SRP72: variants seen among roughly 807,000 people sequenced by gnomAD.
SRP72 encodes signal recognition particle subunit SRP72.
Under a neutral mutation model 96.3 loss-of-function variants are expected in SRP72, and 49 were observed. The ratio of observed to expected loss-of-function variants is 0.51; its 90% CI spans 0.40 to 0.65. The LOEUF (loss-of-function observed/expected upper bound fraction) is 0.65, where lower values mean the gene tolerates loss of function less well. Among genes scored for constraint, SRP72 ranks in the 30% least tolerant of loss-of-function variants. SRP72 has a pLI of 0.00. For synonymous variants in SRP72, 267 were observed against 275.2 expected (o/e 0.97, Z 0.30); for missense variants, 736 against 793.3 (o/e 0.93, Z 0.87).
intron 17 of SRP72, among the ~76,000 whole-genome samples, chr4:56,498,957 C>G (rs1721169726): frequency 6.6e-6 from 1 of 152,124 alleles, no homozygotes; most frequent in African/African-American, 2.4e-5. Flanking sequence ...CCCATATAGC[C>G]AAGACAGTCC....
intron 6 of SRP72, chr4:56,477,279 A>G (rs1167928270): frequency 7.0e-6 from 1 of 142,272 alleles, no homozygotes; most frequent in African/African-American, 2.6e-5. Context: ...TTTCACATTC[A>G]TAGTTCTCTC....
chr4:56,473,228 G>A (rs752103922), intron 3 of SRP72, among the ~76,000 whole-genome samples: 21 of 152,230 alleles, frequency 1.4e-4, no homozygotes, highest in Middle Eastern at 3.4e-3. Flanking sequence ...GGGAGGCCAA[G>A]GCGGGCGGAT....
At position 56,503,432 on chromosome 4, in the gene SRP72, G is replaced by A. The variant is rs1721333290; in HGVS notation, c.*1571G>A. On this transcript the variant is annotated 3_prime_UTR_variant, in exon 19 of 19. Transcript: ENST00000642900. ...TCAATTTAGTTGTCATTATTGACAG[G>A]CATTGGTATTATTAGTCATTGCTAA... 6.6e-6 allele frequency: 1 copy of A among 152,166 alleles called. No homozygotes were observed. The highest frequency in any genetic ancestry group is 2.1e-4 in the South Asian group (1 of 4,830). The allele number at this position is 152,166 out of a possible 1,614,324, so 9.4% of individuals were successfully genotyped here.
intron 5 of SRP72, chr4:56,475,747 T>A (rs926905682): frequency 6.6e-6 from 1 of 152,166 alleles, no homozygotes; most frequent in Non-Finnish European, 1.5e-5. Context: ...TACAGACTTT[T>A]CAGTGAGCAG....
intron 10 of SRP72, among the ~76,000 whole-genome samples, chr4:56,485,341 G>T (rs1453877429): frequency 1.4e-5 from 2 of 138,378 alleles, no homozygotes; most frequent in African/African-American, 5.4e-5. Flanking sequence ...CATCCTGACA[G>T]ACAAAATTGC....
In SRP72 at chr4:56,497,812, C is replaced by G. The variant is rs942817163; in HGVS notation, c.1678+2418C>G. Among the ~76,000 whole-genome samples the G allele has an allele frequency of 2.4e-4, 37 of 152,232 alleles. 1 individual carries two copies. Among genetic ancestry groups the G allele is most frequent in the African/African-American group, 8.9e-4 (37 of 41,544 alleles). On this transcript the variant is annotated intron_variant, in intron 17 of 18. Coordinates refer to ENST00000642900, the MANE Select transcript of SRP72 (RefSeq NM_006947.4). ...ACAAAGGCTATACCAGTATACACTTCCCCTAGTATAGTGTTGGTGAGTGCT... is the reference window on the plus strand; with the variant it reads ...ACAAAGGCTATACCAGTATACACTTGCCCTAGTATAGTGTTGGTGAGTGCT...
At chr4:56,471,886 G>A in intron 3 of SRP72, 43 bp downstream of exon 3, 1 of 1,607,328 alleles carries the variant, frequency 6.2e-7, no homozygotes, top group Non-Finnish European at 8.5e-7. Context: ...GATACTGAGT[G>A]AGCATGACTA....
chr4:56,495,215 A>G (rs184286880), intron 16 of SRP72, 142 bp from the exon 17 acceptor site: 64 of 454,290 alleles, frequency 1.4e-4, no homozygotes, highest in Non-Finnish European at 2.2e-4. Flanking sequence ...AATCTTAACT[A>G]ATTTGTTAGC....
chr4:56,500,374 A>T, intron 17 of SRP72, 162 bp from the exon 18 acceptor site: 1 of 750,180 alleles, frequency 1.3e-6, no homozygotes, highest in East Asian at 2.8e-5. Context: ...ATAATTTAAA[A>T]AAAAAGACCA....
chr4:56,494,746 A>G (rs1721020666), intron 16 of SRP72, among the ~76,000 whole-genome samples: 1 of 152,066 alleles, frequency 6.6e-6, no homozygotes, highest in Non-Finnish European at 1.5e-5. Flanking sequence ...GTTAATTTTT[A>G]TGCCCTTTTT....
At chr4:56,500,465 A>C in intron 17 of SRP72, 71 bp from the exon 18 acceptor site, 1 of 1,469,232 alleles carries the variant, frequency 6.8e-7, no homozygotes, top group Non-Finnish European at 9.3e-7. Context: ...CCAGGCTTAG[A>C]GACATCGTTT....
rs1720234054 is a variant in SRP72 at position 56,476,667 on chromosome 4, G to A, written c.611-4G>A. 6.2e-7 allele frequency: 1 copy of A among 1,612,112 alleles called. No individual in the cohort carries two copies. The highest frequency in any genetic ancestry group is 8.5e-7 in the Non-Finnish European group (1 of 1,179,670). On this transcript the variant is annotated splice_polypyrimidine_tract_variant and splice_region_variant and intron_variant, in intron 5 of 18. Coordinates refer to ENST00000642900, the MANE Select transcript of SRP72 (RefSeq NM_006947.4). ...CTACTTTTAAAACAATTTTTCTCCT[G>A]TAGATCTTTGCCGCCGTTCATTATC...
Position 56,471,691 on chromosome 4 carries a change from T to C in SRP72, c.231-29T>C. The C allele has an allele frequency of 1.9e-6, 3 of 1,610,366 alleles. No individual in the cohort carries two copies. In the South Asian group the frequency reaches 3.3e-5, roughly 18 times the overall value. On this transcript the variant is annotated intron_variant, in intron 2 of 18. Coordinates refer to ENST00000642900, the MANE Select transcript of SRP72 (RefSeq NM_006947.4). Reference sequence around the variant, plus strand: ...GGTGCATTGCATTGTTAGATAATAATCAGATACTGTTTTTTTTTCCTTCTT... The same window carrying C: ...GGTGCATTGCATTGTTAGATAATAACCAGATACTGTTTTTTTTTCCTTCTT...
At position 56,501,896 on chromosome 4, in the gene SRP72, A is replaced by T. The variant is rs748644540; in HGVS notation, c.*35A>T. The T allele has an allele frequency of 5.6e-6, 9 of 1,605,602 alleles. No homozygotes were observed. In the South Asian group the frequency reaches 9.9e-5, roughly 18 times the overall value. ...TCTTGTTGCAGGCTGTTTTTAAACT[A>T]GTGTCAGTGACACTAGGAATATAAT... On this transcript the variant is annotated 3_prime_UTR_variant, in exon 19 of 19. Transcript: ENST00000642900.
chr4:56,474,137 G>A lies in SRP72; in HGVS notation c.438G>A (p.Glu146=). The A allele has an allele frequency of 6.2e-7, 1 of 1,614,220 alleles. No individual in the cohort carries two copies. Among genetic ancestry groups the A allele is most frequent in the Non-Finnish European group, 8.5e-7 (1 of 1,180,038 alleles). ...ACTCCCAAGATGATTATGATGAGGAGAGGAAAACAAACCTTTCAGCAGTTG... is the reference window on the plus strand; with the variant it reads ...ACTCCCAAGATGATTATGATGAGGAAAGGAAAACAAACCTTTCAGCAGTTG... ...VRNSQDDYDE[E]RKTNLSAVVA... is the part of the protein sequence containing the mutation. The change falls in exon 4 of 19, where the codon GAG becomes GAA. Residue 146 remains glutamate, a synonymous_variant. Transcript: ENST00000642900.
intron 5 of SRP72, chr4:56,475,582 A>T (rs1356899745): frequency 6.7e-6 from 1 of 149,912 alleles, no homozygotes; most frequent in Non-Finnish European, 1.5e-5. Context: ...AAAAAAAAGA[A>T]TTATAATTTC....
chr4:56,488,743 T>C (rs929838528), intron 12 of SRP72, among the ~76,000 whole-genome samples: 2 of 152,228 alleles, frequency 1.3e-5, no homozygotes, highest in Non-Finnish European at 1.5e-5. Context: ...TTCTTTATTG[T>C]CCTTTTAATA....
In SRP72 at chr4:56,493,816, A is replaced by G. The variant is rs1252810556; in HGVS notation, c.1641-1541A>G. 2.6e-5 allele frequency among the ~76,000 whole-genome samples: 4 copies of G among 152,310 alleles called. No homozygotes were observed. In the East Asian group the frequency reaches 7.7e-4, roughly 29 times the overall value. The stretch of plus-strand genomic sequence containing the variant: ...AGGAGGTGGAGGTTGCAGTGAGCCA[A>G]GATCTCACCACTGCACTCCAGCCTG... On this transcript the variant is annotated intron_variant, in intron 16 of 18. Coordinates refer to ENST00000642900, the MANE Select transcript of SRP72 (RefSeq NM_006947.4).
In SRP72 at chr4:56,477,297, C is replaced by CTTTTTTTTTTTTTTTTTTTTTTTTTTTT. The variant is rs1560677869; in HGVS notation, c.642+596_642+597insTTTTTTTTTTTTTTTTTTTTTTTTTTTT. On this transcript the variant is annotated intron_variant, in intron 6 of 18. Coordinates refer to ENST00000642900, the MANE Select transcript of SRP72 (RefSeq NM_006947.4). ...CACATTCATAGTTCTCTCTCTCTCT[C>CTTTTTTTTTTTTTTTTTTTTTTTTTTTT]TCTCTTTTTTTTTTTTTTTTTTTTT... 5 of 114,820 alleles carry CTTTTTTTTTTTTTTTTTTTTTTTTTTTT rather than the reference C, an allele frequency of 4.4e-5. 1 individual carries two copies. The highest frequency in any genetic ancestry group is 6.8e-5 in the African/African-American group (2 of 29,356). The allele number at this position is 114,820 out of a possible 1,614,324, so 7.1% of individuals were successfully genotyped here.
Sources: allele counts gnomAD v4.1 joint callset (sites outside exome capture counted in the v4.1 genomes callset), GRCh38; gene constraint gnomAD v4.1.1; transcripts MANE v1.5; gene names NCBI Gene and HGNC (gene_info 2026-07-23, HGNC 2026-07-21).